The following NXPH2 variants were observed in gnomAD, a reference collection of about 807,000 sequenced individuals.
The protein encoded by NXPH2 is neurexophilin-2.
NXPH2 carries 5 observed loss-of-function variants against 19.8 expected under a neutral mutation model. The observed-to-expected ratio is 0.25, with a 90% CI of 0.13 to 0.53. The LOEUF is 0.53. Ranked by LOEUF, NXPH2 falls within the 20% of genes least tolerant of loss-of-function variation. The pLI is 0.96. For missense variants in NXPH2, 289 were observed against 322.8 expected (o/e 0.90, Z 0.80); for synonymous variants, 154 against 127.4 (o/e 1.21, Z -1.41).
At chr2:138,722,153 T>C (rs1038044659) in intron 1 of NXPH2, among the ~76,000 whole-genome samples, 1 of 152,164 alleles carries the variant, frequency 6.6e-6, no homozygotes, top group Non-Finnish European at 1.5e-5. Flanking sequence ...AAATACATAT[T>C]AAAGAATGCT....
chr2:138,681,939 A>C (rs1573952076), intron 1 of NXPH2, among the ~76,000 whole-genome samples: 1 of 152,220 alleles, frequency 6.6e-6, no homozygotes, highest in Non-Finnish European at 1.5e-5. Context: ...CAAGAACCCC[A>C]AAGTGACCGC....
chr2:138,669,754 C>T lies in NXPH2; in HGVS notation c.*1168G>A, dbSNP rs1289271077. On this transcript the variant is annotated 3_prime_UTR_variant, in exon 2 of 2. Transcript: ENST00000272641. ...CTACCATATAGGACTGCTATTCACC[C>T]CCACAGGGAAGATGAGAAGGGCACT... Among the ~76,000 whole-genome samples, 2 of 152,136 alleles carry T rather than the reference C, an allele frequency of 1.3e-5. No individual in the cohort carries two copies. Among genetic ancestry groups the T allele is most frequent in the Non-Finnish European group, 2.9e-5 (2 of 68,028 alleles).
chr2:138,772,511 G>A (rs947176822), intron 1 of NXPH2, among the ~76,000 whole-genome samples: 1 of 152,130 alleles, frequency 6.6e-6, no homozygotes, highest in African/African-American at 2.4e-5. Context: ...TGGTCAAGCT[G>A]GTCTCGAACT....
At chr2:138,675,286 T>C (rs965395987) in intron 1 of NXPH2, among the ~76,000 whole-genome samples, 11 of 152,160 alleles carry the variant, frequency 7.2e-5, no homozygotes, top group African/African-American at 2.7e-4. Flanking sequence ...TTCTGCCTGG[T>C]TCATTTTTCT....
At chr2:138,761,672 T>C (rs1260185629) in intron 1 of NXPH2, among the ~76,000 whole-genome samples, 2 of 152,224 alleles carry the variant, frequency 1.3e-5, no homozygotes, top group African/African-American at 2.4e-5. Context: ...AGTACCCAAG[T>C]ACACCTTCTC....
At chr2:138,748,711 A>C (rs755887302) in intron 1 of NXPH2, among the ~76,000 whole-genome samples, 4 of 152,176 alleles carry the variant, frequency 2.6e-5, no homozygotes, top group Non-Finnish European at 2.9e-5. Flanking sequence ...TAGTAAAAGA[A>C]GAAGCTTCTA....
chr2:138,747,005 C>A (rs1681747347), intron 1 of NXPH2, among the ~76,000 whole-genome samples: 1 of 152,008 alleles, frequency 6.6e-6, no homozygotes, highest in Non-Finnish European at 1.5e-5. Flanking sequence ...AGATAACAAC[C>A]CAAATCAAGG....
intron 1 of NXPH2, among the ~76,000 whole-genome samples, chr2:138,753,778 A>G (rs1251926640): frequency 2.0e-5 from 3 of 152,088 alleles, no homozygotes; most frequent in African/African-American, 7.2e-5. Flanking sequence ...TGTACACCAT[A>G]CATTGACTTA....
intron 1 of NXPH2, among the ~76,000 whole-genome samples, chr2:138,737,312 G>A (rs1411273469): frequency 6.6e-6 from 1 of 152,170 alleles, no homozygotes; most frequent in East Asian, 1.9e-4. Context: ...AGGCAAGGAG[G>A]AGCAAGTCAC....
At chr2:138,734,647 G>A (rs1681511804) in intron 1 of NXPH2, among the ~76,000 whole-genome samples, 1 of 152,180 alleles carries the variant, frequency 6.6e-6, no homozygotes, top group South Asian at 2.1e-4. Flanking sequence ...TAAGCCAGAG[G>A]GAGACCACAG....
chr2:138,734,282 G>A (rs1324806470), intron 1 of NXPH2, among the ~76,000 whole-genome samples: 1 of 152,074 alleles, frequency 6.6e-6, no homozygotes, highest in African/African-American at 2.4e-5. Context: ...GGCTGTAAAG[G>A]GCAGGTCTAG....
At chr2:138,741,713 A>G (rs1423861982) in intron 1 of NXPH2, among the ~76,000 whole-genome samples, 2 of 152,222 alleles carry the variant, frequency 1.3e-5, no homozygotes, top group Non-Finnish European at 2.9e-5. Flanking sequence ...AGTGGATTAC[A>G]TACTTTCTGC....
chr2:138,716,099 T>C (rs187495475), intron 1 of NXPH2, among the ~76,000 whole-genome samples: 2 of 152,378 alleles, frequency 1.3e-5, no homozygotes, highest in Non-Finnish European at 2.9e-5. Flanking sequence ...CTGGTGTTTC[T>C]GGTTTTAGTT....
At chr2:138,765,655 TAA>T (rs1053589088) in intron 1 of NXPH2, among the ~76,000 whole-genome samples, 1 of 152,210 alleles carries the variant, frequency 6.6e-6, no homozygotes, top group African/African-American at 2.4e-5. Flanking sequence ...ACCTAGCTCC[TAA>T]GAGTGGAATG....
rs1680391562 is a variant in NXPH2 at position 138,669,997 on chromosome 2, C to T, written c.*925G>A. ...ATCCTGAAATTTCCTCCCTCTACTT[C>T]CCACTTTTGTTTTCTATTCTAGTCT... On this transcript the variant is annotated 3_prime_UTR_variant, in exon 2 of 2. Coordinates refer to ENST00000272641, the MANE Select transcript of NXPH2 (RefSeq NM_007226.3). 2.6e-5 allele frequency among the ~76,000 whole-genome samples: 4 copies of T among 152,276 alleles called. No individual in the cohort carries two copies. The South Asian group carries it at 8.3e-4, about 32-fold the overall frequency.
At chr2:138,705,514 A>G (rs1222121171) in intron 1 of NXPH2, among the ~76,000 whole-genome samples, 2 of 152,176 alleles carry the variant, frequency 1.3e-5, no homozygotes. Flanking sequence ...GATTTTACTC[A>G]GTAACTGATT....
At chr2:138,673,778 T>C (rs936153015) in intron 1 of NXPH2, among the ~76,000 whole-genome samples, 2 of 151,606 alleles carry the variant, frequency 1.3e-5, no homozygotes, top group African/African-American at 4.8e-5. Flanking sequence ...ATGCCTGGAC[T>C]AGAACTTATT....
At chr2:138,712,626 A>T (rs1000749462) in intron 1 of NXPH2, among the ~76,000 whole-genome samples, 1 of 152,164 alleles carries the variant, frequency 6.6e-6, no homozygotes, top group Non-Finnish European at 1.5e-5. Context: ...ATGTCTAAGT[A>T]TACCTGCTTG....
intron 1 of NXPH2, among the ~76,000 whole-genome samples, chr2:138,742,285 T>C (rs998816621): frequency 1.4e-4 from 22 of 152,246 alleles, no homozygotes; most frequent in African/African-American, 4.1e-4. Context: ...CAAAGGAGTA[T>C]GGGTTTCTTC....
Sources: allele counts gnomAD v4.1 joint callset (sites outside exome capture counted in the v4.1 genomes callset), GRCh38; gene constraint gnomAD v4.1.1; transcripts MANE v1.5; gene names NCBI Gene and HGNC (gene_info 2026-07-23, HGNC 2026-07-21).